The following RGS12 variants were observed in gnomAD, a reference collection of about 807,000 sequenced individuals.
RGS12 encodes regulator of G-protein signaling 12.
A neutral mutation model predicts 120.1 loss-of-function variants in RGS12; 66 were observed. The ratio of observed to expected loss-of-function variants is 0.55; its 90% CI spans 0.45 to 0.67. The LOEUF (loss-of-function observed/expected upper bound fraction) is 0.67, where lower values mean the gene tolerates loss of function less well. RGS12 is among the 30% of genes least tolerant of loss of function. The pLI, the probability that RGS12 is intolerant of heterozygous loss-of-function variation, is 0.00. For synonymous variants in RGS12, 827 were observed against 804.7 expected, an observed-to-expected ratio of 1.03 and a Z score of -0.47; for missense variants, 1,859 against 1,957.7, an observed-to-expected ratio of 0.95 and a Z score of 0.95.
At chr4:3,319,872 C>G (rs1007883874) in intron 2 of RGS12, among the ~76,000 whole-genome samples, 1 of 152,222 alleles carries the variant, frequency 6.6e-6, no homozygotes, top group Non-Finnish European at 1.5e-5. Flanking sequence ...CCTCACCTCA[C>G]TTCTCCGTGG....
At chr4:3,295,142 C>T (rs964834069) in intron 1 of RGS12, among the ~76,000 whole-genome samples, 1 of 152,088 alleles carries the variant, frequency 6.6e-6, no homozygotes, top group Non-Finnish European at 1.5e-5. Context: ...CAGTGAGGTC[C>T]TGGAGGTGGT....
intron 17 of RGS12, among the ~76,000 whole-genome samples, chr4:3,436,014 G>T (rs977659668): frequency 1.3e-5 from 2 of 152,102 alleles, no homozygotes; most frequent in Non-Finnish European, 2.9e-5. Context: ...CCTGCTGGGC[G>T]CTGTCCACTC....
At chr4:3,373,304 A>T (rs887643650) in intron 3 of RGS12, among the ~76,000 whole-genome samples, 3 of 152,144 alleles carry the variant, frequency 2.0e-5, no homozygotes, top group African/African-American at 7.2e-5. Flanking sequence ...CCCGACAGAG[A>T]GTCCCAGCCC....
At chr4:3,417,117 C>A in intron 8 of RGS12, 25 bp downstream of exon 8, 1 of 1,570,388 alleles carries the variant, frequency 6.4e-7, no homozygotes, top group Non-Finnish European at 8.7e-7. Context: ...GCTGGCCTCA[C>A]GCCCCTGTGG....
Position 3,430,525 on chromosome 4 carries a change from A to T in RGS12, c.3684A>T (p.Glu1228Asp), listed in dbSNP as rs1449932552. Residue 1228 changes from glutamate to aspartate, a missense_variant, in exon 17 of 18, where the codon GAA becomes GAT. Physicochemically the swap from Glu to Asp is conservative, Grantham distance 45. Around this residue, in one of 3 missense-constraint regions of RGS12, gnomAD observed 517 missense variants for 488.5 expected, o/e 1.06. Coordinates refer to ENST00000336727, the MANE Select transcript of RGS12 (RefSeq NM_001394154.1). ...TCCGTTTACCTCCTGGTTCCACAGA[A>T]CTCACCCTCCCCACTCCAGCTGCTG... ...EFLRLPPGST[E>D]LTLPTPAAVA... 6.2e-7 allele frequency: 1 copy of T among 1,613,164 alleles called. No homozygotes were observed. Among genetic ancestry groups the T allele is most frequent in the Admixed American group, 1.7e-5 (1 of 59,990 alleles).
intron 9 of RGS12, 97 bp downstream of exon 9, chr4:3,417,638 T>A (rs748535514): frequency 3.7e-6 from 5 of 1,354,172 alleles, no homozygotes; most frequent in Non-Finnish European, 2.1e-6. Context: ...TTGGGCCATG[T>A]GTGCAGTGAG....
At chr4:3,355,627 T>G (rs1578803006) in intron 3 of RGS12, among the ~76,000 whole-genome samples, 1 of 151,146 alleles carries the variant, frequency 6.6e-6, no homozygotes, top group South Asian at 2.1e-4. Flanking sequence ...AAAACCTGTC[T>G]CTACAAAAAA....
intron 3 of RGS12, among the ~76,000 whole-genome samples, chr4:3,362,736 T>A (rs1715784283): frequency 7.9e-6 from 1 of 127,326 alleles, no homozygotes; most frequent in South Asian, 2.6e-4. Flanking sequence ...TGCGAGGATG[T>A]CTGTGTGAGG....
intron 1 of RGS12, among the ~76,000 whole-genome samples, chr4:3,307,752 G>T (rs1488745831): frequency 6.6e-6 from 1 of 152,228 alleles, no homozygotes; most frequent in Non-Finnish European, 1.5e-5. Context: ...GTGGACAGAT[G>T]GCAGCCTGTT....
intron 17 of RGS12, among the ~76,000 whole-genome samples, chr4:3,438,834 C>G (rs959219659): frequency 6.6e-5 from 10 of 152,090 alleles, no homozygotes; most frequent in African/African-American, 2.4e-4. Flanking sequence ...GAAAGAGGGG[C>G]CTCAGTAGGG....
chr4:3,313,239 T>C (rs2749786), intron 1 of RGS12, among the ~76,000 whole-genome samples: 35,588 of 152,164 alleles, frequency 0.23, 4,707 homozygotes, highest in South Asian at 0.35. Flanking sequence ...GCGAATAAAC[T>C]GGGAAGTCAT....
rs189444236 is a variant in RGS12, at chr4:3,312,642, G to A, written c.-101-3428G>A. The A allele has an allele frequency of 1.9e-4, 45 of 231,672 alleles. No individual in the cohort carries two copies. In the East Asian group the frequency reaches 2.1e-3, roughly 11 times the overall value. The allele number at this position is 231,672 out of a possible 1,614,324, so 14.4% of individuals were successfully genotyped here. On this transcript the variant is annotated intron_variant, in intron 1 of 17. Transcript: ENST00000336727. ...CAAGAGGAACCACCACCTGAAAGTC[G>A]GGGTCTTACCTGGCCAGGAGAGAGA...
At chr4:3,299,948 G>C (rs1178993234) in intron 1 of RGS12, among the ~76,000 whole-genome samples, 2 of 152,228 alleles carry the variant, frequency 1.3e-5, no homozygotes, top group African/African-American at 2.4e-5. Context: ...GGGAGGAAAG[G>C]CTCAGCCTGG....
chr4:3,292,318 C>G (rs1021471433), upstream of RGS12, among the ~76,000 whole-genome samples: 4 of 152,184 alleles, frequency 2.6e-5, no homozygotes, highest in Non-Finnish European at 5.9e-5. Context: ...TGCCTCCGGT[C>G]CCGCCCTCGC....
rs1187201975 is a variant in RGS12 at position 3,417,540 on chromosome 4, C to CGGTTTGTGGGGT, written c.2761+2_2761+13dup. The CGGTTTGTGGGGT allele has an allele frequency of 6.2e-7, 1 of 1,612,378 alleles. No individual in the cohort carries two copies. The highest frequency in any genetic ancestry group is 8.5e-7 in the Non-Finnish European group (1 of 1,179,762). On this transcript the variant is annotated inframe_insertion and splice_region_variant, in exon 9 of 18. Coordinates refer to ENST00000336727, the MANE Select transcript of RGS12 (RefSeq NM_001394154.1). ...AGAGGGAGCACGGGGACCACGCAGA[C>CGGTTTGTGGGGT]GGTTTGTGGGGTGGCTCCTGGGCTG...
At chr4:3,399,432 C>T (rs916718951) in intron 4 of RGS12, among the ~76,000 whole-genome samples, 14 of 152,000 alleles carry the variant, frequency 9.2e-5, no homozygotes, top group African/African-American at 3.1e-4. Flanking sequence ...AATTTGAGAC[C>T]AGCCTGGACA....
Position 3,316,685 on chromosome 4 carries a change from C to T in RGS12, c.515C>T (p.Ser172Leu), listed in dbSNP as rs139336898. Residue 172 changes from serine (S) to leucine (L), a missense_variant, in exon 2 of 18, where the codon TCA becomes TTA. This residue lies in a region of RGS12 where 967 missense variants were observed against 994.2 expected (regional missense o/e 0.97). Coordinates refer to ENST00000336727, the MANE Select transcript of RGS12 (RefSeq NM_001394154.1). Reference protein sequence around the residue: ...EPLKLKQRSLSESAATRFDVG... With the variant: ...EPLKLKQRSLLESAATRFDVG... ...TTGAAATTGAAACAAAGATCCCTTT[C>T]AGAGTCGGCCGCAACTCGATTTGAT... 5.5e-5 allele frequency: 88 copies of T among 1,613,962 alleles called. No homozygotes were observed. The highest frequency in any genetic ancestry group is 1.6e-4 in the Middle Eastern group (1 of 6,084).
At chr4:3,306,158 G>T (rs116723134) in intron 1 of RGS12, among the ~76,000 whole-genome samples, 2,862 of 152,308 alleles carry the variant, frequency 0.019, 71 homozygotes, top group African/African-American at 0.061. Flanking sequence ...CCCACCCTTC[G>T]TCTCTTTACA....
At position 3,365,297 on chromosome 4, in the gene RGS12, G is replaced by A. The variant is rs1349342430; in HGVS notation, c.1999-21119G>A. 1.1e-4 allele frequency among the ~76,000 whole-genome samples: 17 copies of A among 152,152 alleles called. No individual in the cohort carries two copies. Among genetic ancestry groups the A allele is most frequent in the Admixed American group, 1.1e-3 (17 of 15,274 alleles). ...ACAGCGGCAGAGTGGGGTCGAGTGC[G>A]TGGTGTCGCCTGCACAGCGGGCAGT... On this transcript the variant is annotated intron_variant, in intron 3 of 17. Transcript: ENST00000336727. This position sits in a 1 kb window ranked among gnomAD's most constrained non-coding sequence, Gnocchi z 4.0.
Sources: gnomAD v4.1 joint callset for allele counts (sites outside exome capture counted in the v4.1 genomes callset) on GRCh38, gnomAD v4.1.1 for gene constraint, gnomAD v4.1.1 regional missense constraint, Gnocchi (gnomAD v3.1) non-coding constraint, MANE v1.5 for transcripts, NCBI Gene and HGNC (gene_info 2026-07-23, HGNC 2026-07-21) for gene names.